CDKL5: variants seen among roughly 807,000 people sequenced by gnomAD.
The protein encoded by CDKL5 is cyclin-dependent kinase-like 5.
In CDKL5, 8 loss-of-function variants were observed where a neutral mutation model predicts 61.7. That is an observed-to-expected ratio of 0.13 (90% CI 0.08 to 0.23). The LOEUF is 0.23. Ranked by LOEUF, CDKL5 falls within the 10% of genes least tolerant of loss-of-function variation. The pLI is 1.00. For missense variants in CDKL5, 440 were observed against 734.5 expected (o/e 0.60, Z 4.63); for synonymous variants, 275 against 272.3 (o/e 1.01, Z -0.10).
At chrX:18,528,037 G>A (rs756168303) in intron 3 of CDKL5, among the ~76,000 whole-genome samples, 35 of 110,916 alleles carry the variant, frequency 3.2e-4, no homozygotes, top group African/African-American at 1.1e-3. Flanking sequence ...TTTTTATTCC[G>A]TTGTGGTATG....
chrX:18,653,243 C>T (rs1234560937), intron 21 of CDKL5, among the ~76,000 whole-genome samples: 1 of 111,813 alleles, frequency 8.9e-6, no homozygotes, highest in Admixed American at 9.5e-5. Flanking sequence ...CTCAGAGTGC[C>T]GGGGTAATCT....
chrX:18,634,441 G>T lies in CDKL5; in HGVS notation c.*5684G>T. On this transcript the variant is annotated 3_prime_UTR_variant, in exon 18 of 18. Coordinates refer to ENST00000623535, the MANE Select transcript of CDKL5 (RefSeq NM_001323289.2). ...GACTAAAGTGTTTTTTGCCAGAATTGTCAAAAGCTCCGGTTCAAACTCTGT... is the reference window on the plus strand; with the variant it reads ...GACTAAAGTGTTTTTTGCCAGAATTTTCAAAAGCTCCGGTTCAAACTCTGT... 1 of 754,248 alleles carries T rather than the reference G, an allele frequency of 1.3e-6. No individual in the cohort carries two copies. The highest frequency in any genetic ancestry group is 2.3e-5 in the African/African-American group (1 of 43,777). The allele number at this position is 754,248 out of a possible 1,213,427, so 62.2% of individuals were successfully genotyped here. A position where few individuals can be genotyped will look rare whatever the true frequency, so the allele number is the denominator to read the frequency against.
intron 9 of CDKL5, among the ~76,000 whole-genome samples, chrX:18,594,788 T>C (rs1263627106): frequency 1.8e-5 from 2 of 112,811 alleles, no homozygotes; most frequent in Non-Finnish European, 3.7e-5. Flanking sequence ...TATATTTTAG[T>C]TTGTTTCACA....
At chrX:18,573,634 G>T (rs1925205431) in intron 4 of CDKL5, among the ~76,000 whole-genome samples, 1 of 112,513 alleles carries the variant, frequency 8.9e-6, no homozygotes, top group Non-Finnish European at 1.9e-5. Context: ...GACTGCCTTG[G>T]TGTGATCCAG....
chrX:18,537,611 T>C (rs1666318078), intron 3 of CDKL5, among the ~76,000 whole-genome samples: 1 of 112,117 alleles, frequency 8.9e-6, no homozygotes, highest in African/African-American at 3.2e-5. Context: ...AGAACGGTTT[T>C]ATCACAGGGA....
At chrX:18,644,334 G>A (rs911199580), downstream of CDKL5, 23 of 749,331 alleles carry the variant, frequency 3.1e-5, no homozygotes, top group South Asian at 4.2e-4. Context: ...CTGTGGAGTC[G>A]GTGCTCTGAC....
At chrX:18,538,905 C>A (rs1335062325) in intron 3 of CDKL5, among the ~76,000 whole-genome samples, 3 of 112,353 alleles carry the variant, frequency 2.7e-5, no homozygotes, top group African/African-American at 9.7e-5. Context: ...TATTCAATTT[C>A]TTTAATAATT....
In CDKL5 at chrX:18,596,064, C is replaced by T. The variant is rs748688332; in HGVS notation, c.825+636C>T. 3.6e-5 allele frequency among the ~76,000 whole-genome samples: 4 copies of T among 111,469 alleles called. No individual in the cohort carries two copies. The East Asian group carries it at 1.1e-3, about 31-fold the overall frequency. ...AGTGGGAACTGTTTTTCATATTTCTCCAGCTTTCACTGCAGCCAGAAGTGC... is the reference window on the plus strand; with the variant it reads ...AGTGGGAACTGTTTTTCATATTTCTTCAGCTTTCACTGCAGCCAGAAGTGC... On this transcript the variant is annotated intron_variant, in intron 10 of 17. Transcript: ENST00000623535.
At chrX:18,515,435 A>G (rs976686387) in intron 3 of CDKL5, among the ~76,000 whole-genome samples, 1 of 111,886 alleles carries the variant, frequency 8.9e-6, no homozygotes, top group Admixed American at 9.5e-5. Flanking sequence ...GTGAACATCC[A>G]ACATTGGGGT....
chrX:18,516,516 C>T (rs1923025479), intron 3 of CDKL5, among the ~76,000 whole-genome samples: 1 of 109,612 alleles, frequency 9.1e-6, no homozygotes, highest in Non-Finnish European at 1.9e-5. Flanking sequence ...TTTTGCTAGA[C>T]TGTTGATACC....
intron 3 of CDKL5, among the ~76,000 whole-genome samples, chrX:18,529,379 A>G (rs898738822): frequency 6.3e-5 from 7 of 110,853 alleles, no homozygotes; most frequent in African/African-American, 1.3e-4. Flanking sequence ...TACTCAGTCA[A>G]TAATAGTTAC....
chrX:18,589,766 G>A (rs1252229266), intron 9 of CDKL5: 2 of 112,437 alleles, frequency 1.8e-5, no homozygotes, highest in African/African-American at 6.4e-5. Context: ...GTGTAAAAGT[G>A]TTCCTATTTC....
chrX:18,432,982 C>T (rs779604483), intron 1 of CDKL5, among the ~76,000 whole-genome samples: 2 of 111,697 alleles, frequency 1.8e-5, no homozygotes, highest in African/African-American at 6.5e-5. Flanking sequence ...AATCCCAGCA[C>T]TTTGGCAGGC....
intron 3 of CDKL5, among the ~76,000 whole-genome samples, chrX:18,547,402 T>G (rs1156699355): frequency 8.9e-6 from 1 of 112,262 alleles, no homozygotes; most frequent in Non-Finnish European, 1.9e-5. Flanking sequence ...CTGTGAATAT[T>G]TTAAATTTTC....
Position 18,494,092 on chromosome X carries a change from T to A in CDKL5, c.-162-12843T>A, listed in dbSNP as rs906616424. Among the ~76,000 whole-genome samples, 3 of 111,547 alleles carry A rather than the reference T, an allele frequency of 2.7e-5. No individual in the cohort carries two copies. In the Admixed American group the frequency reaches 2.9e-4, roughly 11 times the overall value. On this transcript the variant is annotated intron_variant, in intron 1 of 17. Transcript: ENST00000623535. The stretch of plus-strand genomic sequence containing the variant: ...GCATGCACCACCACGCTTGGTTAAT[T>A]TTTTGTAGATGCAGGGTTTTGCCAT...
chrX:18,630,346 A>G lies in CDKL5; in HGVS notation c.*1589A>G, dbSNP rs943780029. On this transcript the variant is annotated 3_prime_UTR_variant, in exon 18 of 18. Coordinates refer to ENST00000623535, the MANE Select transcript of CDKL5 (RefSeq NM_001323289.2). ...TGAGGGAAGTCACCTCAGCACCATC[A>G]TCTATCAGTAGTAGTAGATTTTTGG... 1.3e-6 allele frequency: 1 copy of G among 753,677 alleles called. No homozygotes were observed. Among genetic ancestry groups the G allele is most frequent in the Non-Finnish European group, 1.6e-6 (1 of 639,126 alleles). 62.1% of individuals were successfully genotyped at this position (753,677 alleles called of 1,213,427 possible). A position where few individuals can be genotyped will look rare whatever the true frequency, so the allele number is the denominator to read the frequency against.
rs1927393756 is a variant in CDKL5, at chrX:18,636,484, T to C, written c.*7727T>C. 9.1e-6 allele frequency: 1 copy of C among 109,574 alleles called. No individual in the cohort carries two copies. 9.0% of individuals were successfully genotyped at this position (109,574 alleles called of 1,213,427 possible). On this transcript the variant is annotated 3_prime_UTR_variant, in exon 18 of 18. Transcript: ENST00000623535. ...CATTAACCTGCCCAAGGTCACCCAG[T>C]TTGGAAGTGGCAGGGCCAGGATTTG...
Position 18,609,370 on chromosome X carries a change from G to A in CDKL5, c.2047-95G>A, listed in dbSNP as rs1926467217. ...GATCCTACTACTGCACTACAGCCTG[G>A]GCAATAGAGTGAGACCCTGTCTCAA... On this transcript the variant is annotated intron_variant, in intron 13 of 17. Coordinates refer to ENST00000623535, the MANE Select transcript of CDKL5 (RefSeq NM_001323289.2). 33 of 1,192,306 alleles carry A rather than the reference G, an allele frequency of 2.8e-5. 1 individual carries two copies. The South Asian group carries it at 5.8e-4, about 21-fold the overall frequency.
chrX:18,470,671 A>G (rs1276224281), intron 1 of CDKL5, among the ~76,000 whole-genome samples: 1 of 111,770 alleles, frequency 8.9e-6, no homozygotes, highest in Non-Finnish European at 1.9e-5. Context: ...TGAAAAAGGA[A>G]AGACCTGAAA....
Sources: gnomAD v4.1 joint callset for allele counts (sites outside exome capture counted in the v4.1 genomes callset) on GRCh38, gnomAD v4.1.1 for gene constraint, MANE v1.5 for transcripts, NCBI Gene and HGNC (gene_info 2026-07-23, HGNC 2026-07-21) for gene names.